TDRKH: variants seen among roughly 807,000 people sequenced by gnomAD.
The protein encoded by TDRKH is tudor and KH domain-containing protein.
TDRKH carries 28 observed loss-of-function variants against 61.3 expected under a neutral mutation model. The ratio of observed to expected loss-of-function variants is 0.46; its 90% CI spans 0.34 to 0.63. The LOEUF (loss-of-function observed/expected upper bound fraction) is 0.63, where lower values mean the gene tolerates loss of function less well. Ranked by LOEUF, TDRKH falls within the 20% of genes least tolerant of loss-of-function variation. The pLI is 0.01. For missense variants in TDRKH, 540 were observed against 683.4 expected (o/e 0.79, Z 2.34); for synonymous variants, 219 against 244.4 (o/e 0.90, Z 0.97).
downstream of TDRKH, chr1:151,771,482 C>G (rs1163187808): frequency 3.3e-6 from 2 of 611,030 alleles, no homozygotes; most frequent in Non-Finnish European, 4.9e-6. Flanking sequence ...TGCCTTCCTC[C>G]ATGCCCCAAA....
Position 151,780,129 on chromosome 1 carries a change from C to CTT in TDRKH, c.242_243insAA (p.Thr82ArgfsTer13), listed in dbSNP as rs1173207920. The CTT allele has an allele frequency of 1.2e-6, 2 of 1,610,970 alleles. No homozygotes were observed. The highest frequency in any genetic ancestry group is 1.7e-6 in the Non-Finnish European group (2 of 1,177,424). ...TGTCCACATCAATCCGAGCACCTGT[C>CTT]TGTTTCCGCAGCTGCAAAGAAAAGG... On this transcript the variant is annotated frameshift_variant, in exon 4 of 13. Coordinates refer to ENST00000368824, the MANE Select transcript of TDRKH (RefSeq NM_001083965.2). LOFTEE classifies it high-confidence loss of function.
Position 151,780,098 on chromosome 1 carries a change from CCT to C in TDRKH, c.272_273del (p.Glu91GlyfsTer5), listed in dbSNP as rs757901814. On this transcript the variant is annotated frameshift_variant, in exon 4 of 13. Coordinates refer to ENST00000368824, the MANE Select transcript of TDRKH (RefSeq NM_001083965.2). LOFTEE classifies it high-confidence loss of function. ...QTGARIDVDT[E>X]DVGDERVLLI... is the part of the protein sequence containing the mutation. ...AGCAGCACTCGCTCATCGCCTACAT[CCT>C]CTGTGTCCACATCAATCCGAGCACC... is the stretch of plus-strand genomic sequence containing the variant. The C allele has an allele frequency of 2.0e-5, 32 of 1,614,072 alleles. No homozygotes were observed. The highest frequency in any genetic ancestry group is 2.6e-5 in the Non-Finnish European group (31 of 1,179,916).
intron 1 of TDRKH, 73 bp from the exon 2 acceptor site, chr1:151,783,122 G>T: frequency 1.4e-6 from 2 of 1,414,274 alleles, no homozygotes; most frequent in South Asian, 1.3e-5. Context: ...AGGCATGGGA[G>T]CACATTATTA....
chr1:151,776,405 A>G, intron 7 of TDRKH, 34 bp downstream of exon 7: 1 of 1,608,442 alleles, frequency 6.2e-7, no homozygotes, highest in Non-Finnish European at 8.5e-7. Context: ...CCTTCTTTTC[A>G]TTAAACCCCA....
chr1:151,787,431 A>G (rs944151128), intron 1 of TDRKH, among the ~76,000 whole-genome samples: 2 of 152,058 alleles, frequency 1.3e-5, no homozygotes, highest in African/African-American at 4.8e-5. Flanking sequence ...ATTGGCCAGG[A>G]TGGTCTCGAA....
At chr1:151,780,799 A>C (rs1053526994) in intron 3 of TDRKH, among the ~76,000 whole-genome samples, 6 of 150,258 alleles carry the variant, frequency 4.0e-5, no homozygotes, top group African/African-American at 1.5e-4. Context: ...GCAGTGAGCC[A>C]AGATCATGCC....
chr1:151,788,944 C>T (rs952374174), intron 1 of TDRKH, among the ~76,000 whole-genome samples: 1 of 152,110 alleles, frequency 6.6e-6, no homozygotes, highest in Non-Finnish European at 1.5e-5. Context: ...CATCTGTGTC[C>T]GTGGTGAGGA....
chr1:151,781,326 A>ATATAT (rs1553282714), intron 3 of TDRKH, among the ~76,000 whole-genome samples, 155 bp downstream of exon 3: 9 of 22,296 alleles, frequency 4.0e-4, no homozygotes, highest in African/African-American at 6.3e-4. Flanking sequence ...TCAAAAAAAA[A>ATATAT]AAATATATAT....
downstream of TDRKH, chr1:151,766,592 A>C (rs1177367214): frequency 1.5e-5 from 15 of 973,230 alleles, no homozygotes; most frequent in Middle Eastern, 9.7e-4. Flanking sequence ...TGGAGTCCTG[A>C]GGTGACATAA....
At chr1:151,789,711 A>G (rs150392233) in intron 1 of TDRKH, among the ~76,000 whole-genome samples, 82 of 152,376 alleles carry the variant, frequency 5.4e-4, no homozygotes, top group South Asian at 2.9e-3. Context: ...CCATGAAAGC[A>G]TAGATAACTC....
At chr1:151,781,328 A>AAAAATATATATATATATAT (rs1491536697) in intron 3 of TDRKH, among the ~76,000 whole-genome samples, 153 bp downstream of exon 3, 45 of 68,572 alleles carry the variant, frequency 6.6e-4, no homozygotes, top group Non-Finnish European at 1.2e-3. Context: ...AAAAAAAAAA[A>AAAAATATATATATATATAT]ATATATATAT....
At chr1:151,770,893 C>T (rs139982013), downstream of TDRKH, among the ~76,000 whole-genome samples, 1 of 152,312 alleles carries the variant, frequency 6.6e-6, no homozygotes, top group Non-Finnish European at 1.5e-5. Flanking sequence ...TTCTGCAGGA[C>T]TAACTCACAG....
intron 2 of TDRKH, chr1:151,782,076 CTT>C (rs1196283918): frequency 2.3e-6 from 1 of 434,868 alleles, no homozygotes; most frequent in Non-Finnish European, 4.5e-6. Context: ...AAAAAGAACT[CTT>C]TGCTGTGTTG....
downstream of TDRKH, chr1:151,767,991 C>T (rs1171344519): frequency 3.2e-5 from 50 of 1,584,594 alleles, no homozygotes; most frequent in East Asian, 4.5e-5. Flanking sequence ...CTTGCTTCAA[C>T]GGACACACCC....
At chr1:151,771,952 T>TACCA, downstream of TDRKH, 1 of 398,662 alleles carries the variant, frequency 2.5e-6, no homozygotes, top group East Asian at 3.6e-5. Context: ...GTTCCAGGGC[T>TACCA]GAGCATGCTT....
chr1:151,768,866 C>T (rs940423957), downstream of TDRKH, among the ~76,000 whole-genome samples: 1 of 152,172 alleles, frequency 6.6e-6, no homozygotes, highest in African/African-American at 2.4e-5. Context: ...GTGGTGATGA[C>T]TCTTAACGAG....
At chr1:151,773,043 G>A (rs1162467163), downstream of TDRKH, among the ~76,000 whole-genome samples, 3 of 150,046 alleles carry the variant, frequency 2.0e-5, no homozygotes, top group East Asian at 5.9e-4. Flanking sequence ...TTTGTATTTT[G>A]TATTTTTGTA....
rs763419568 is a variant in TDRKH, at chr1:151,778,851, G to A, written c.717C>T (p.Asn239=). 1 of 1,614,176 alleles carries A rather than the reference G, an allele frequency of 6.2e-7. No individual in the cohort carries two copies. Among genetic ancestry groups the A allele is most frequent in the East Asian group, 2.2e-5 (1 of 44,886 alleles). ...GGAGEPALWK[N]TSSSMEPTAP... is the part of the protein sequence containing the mutation. Reference sequence around the variant, plus strand: ...CAGTCGGCTCCATGCTAGAACTGGTGTTTTTCCATAATGCTGGCTCTCCAG... The same window carrying A: ...CAGTCGGCTCCATGCTAGAACTGGTATTTTTCCATAATGCTGGCTCTCCAG... The change falls in exon 6 of 13, where the codon AAC becomes AAT. Residue 239 remains asparagine (N), a synonymous_variant. Transcript: ENST00000368824.
downstream of TDRKH, chr1:151,771,044 C>T: frequency 6.5e-7 from 1 of 1,539,322 alleles, no homozygotes; most frequent in Non-Finnish European, 8.7e-7. Context: ...AGTTTTAAAG[C>T]ATGTTCTAAT....
Sources: allele counts gnomAD v4.1 joint callset (sites outside exome capture counted in the v4.1 genomes callset), GRCh38; gene constraint gnomAD v4.1.1; transcripts MANE v1.5; gene names NCBI Gene and HGNC (gene_info 2026-07-23, HGNC 2026-07-21).